The following MARK1 variants were observed in gnomAD, a reference collection of about 807,000 sequenced individuals.
MARK1 encodes the protein serine/threonine-protein kinase MARK1.
Under a neutral mutation model 96.3 loss-of-function variants are expected in MARK1, and 40 were observed. That is an observed-to-expected ratio of 0.42 (90% CI 0.32 to 0.54). The LOEUF (loss-of-function observed/expected upper bound fraction) is 0.54. MARK1 is among the 20% of genes least tolerant of loss of function. The pLI is 0.16. For missense variants in MARK1, 719 were observed against 984.6 expected, an observed-to-expected ratio of 0.73 and a Z score of 3.61; for synonymous variants, 317 against 341.2, an observed-to-expected ratio of 0.93 and a Z score of 0.78.
chr1:220,596,784 T>C (rs1309199494), intron 3 of MARK1, among the ~76,000 whole-genome samples: 2 of 152,180 alleles, frequency 1.3e-5, no homozygotes, highest in African/African-American at 4.8e-5. Context: ...TACATTGTTG[T>C]TCAAACATCA....
At chr1:220,637,961 G>C (rs1366708108) in intron 13 of MARK1, among the ~76,000 whole-genome samples, 1 of 152,034 alleles carries the variant, frequency 6.6e-6, no homozygotes, top group Admixed American at 6.6e-5. Context: ...TTTTGAATAT[G>C]GTTATGTATA....
chr1:220,546,999 A>C (rs906940712), intron 1 of MARK1, among the ~76,000 whole-genome samples: 8 of 151,916 alleles, frequency 5.3e-5, no homozygotes, highest in African/African-American at 1.9e-4. Context: ...AAAAAAGAAA[A>C]GAAAAGAAAA....
rs776797994 is a variant in MARK1, at chr1:220,632,276, T to C, written c.1085T>C (p.Met362Thr). The C allele has an allele frequency of 2.9e-5, 45 of 1,568,944 alleles. No homozygotes were observed. Among genetic ancestry groups the C allele is most frequent in the African/African-American group, 4.1e-5 (3 of 72,884 alleles). The change falls in exon 11 of 18, where the codon ATG becomes ACG. Residue 362 changes from methionine (M) to threonine (T), a missense_variant. Coordinates refer to ENST00000366917, the MANE Select transcript of MARK1 (RefSeq NM_018650.5). ...ALINQKYDEV[M>T]ATYILLGRKP... Reference sequence around the variant, plus strand: ...ATAAATCAGAAGTATGATGAAGTTATGGCTACTTATATTCTTCTAGGTAGA... The same window carrying C: ...ATAAATCAGAAGTATGATGAAGTTACGGCTACTTATATTCTTCTAGGTAGA...
chr1:220,536,265 T>A (rs1660674485), intron 1 of MARK1, among the ~76,000 whole-genome samples: 1 of 152,120 alleles, frequency 6.6e-6, no homozygotes, highest in Non-Finnish European at 1.5e-5. Flanking sequence ...ATTTTTTTCT[T>A]GTCTAACTGC....
intron 3 of MARK1, among the ~76,000 whole-genome samples, chr1:220,583,704 A>G (rs1664401030): frequency 6.6e-6 from 1 of 150,398 alleles, no homozygotes; most frequent in Admixed American, 6.6e-5. Context: ...GCTGGAGTGC[A>G]GTGGCGCGAT....
intron 5 of MARK1, among the ~76,000 whole-genome samples, chr1:220,603,602 G>T (rs994772321): frequency 4.6e-5 from 7 of 152,020 alleles, no homozygotes; most frequent in Admixed American, 3.3e-4. Context: ...AATGTGGATG[G>T]AAGTAGTGAG....
intron 13 of MARK1, among the ~76,000 whole-genome samples, chr1:220,644,567 T>C (rs984456409): frequency 1.3e-5 from 2 of 151,064 alleles, no homozygotes; most frequent in Admixed American, 6.6e-5. Context: ...AACTCAGCTC[T>C]GGACCAAGTG....
intron 7 of MARK1, 117 bp downstream of exon 7, chr1:220,616,112 G>C: frequency 2.3e-6 from 1 of 439,382 alleles, no homozygotes; most frequent in Non-Finnish European, 4.0e-6. Context: ...CACTATACAA[G>C]TAGTTAGTTT....
At chr1:220,534,967 A>G (rs1016363447) in intron 1 of MARK1, among the ~76,000 whole-genome samples, 3 of 152,104 alleles carry the variant, frequency 2.0e-5, no homozygotes, top group African/African-American at 2.4e-5. Flanking sequence ...GCTCTTATAA[A>G]TAATACCTCA....
In MARK1 at chr1:220,619,852, C is replaced by G. The variant is rs146855240; in HGVS notation, c.909+1097C>G. Reference sequence around the variant, plus strand: ...AGTACTTTCTGTCTTCTTTTATTTACCTTAATAGAAAGGGTAGAGAATTCA... The same window carrying G: ...AGTACTTTCTGTCTTCTTTTATTTAGCTTAATAGAAAGGGTAGAGAATTCA... On this transcript the variant is annotated intron_variant, in intron 9 of 17. Transcript: ENST00000366917. Among the ~76,000 whole-genome samples the G allele has an allele frequency of 1.3e-3, 197 of 152,184 alleles. 2 individuals carry two copies. The highest frequency in any genetic ancestry group is 4.3e-3 in the African/African-American group (179 of 41,512).
In MARK1 at chr1:220,563,682, ATCAT is replaced by A. The variant is rs1293863094; in HGVS notation, c.52-15666_52-15663del. ...ACCATAGCCCTTTGAAGAAGATATTATCATTCATTTTCCTACTTGTGGTAACCTA... is the reference window on the plus strand; with the variant it reads ...ACCATAGCCCTTTGAAGAAGATATTATCATTTTCCTACTTGTGGTAACCTA... On this transcript the variant is annotated intron_variant, in intron 1 of 17. Coordinates refer to ENST00000366917, the MANE Select transcript of MARK1 (RefSeq NM_018650.5). Among the ~76,000 whole-genome samples, 27 of 152,254 alleles carry A rather than the reference ATCAT, an allele frequency of 1.8e-4. No homozygotes were observed. In the South Asian group the frequency reaches 5.4e-3, roughly 30 times the overall value.
In MARK1 at chr1:220,648,837, GTGTTTTTCCTGTTTCC is replaced by G. The variant is rs2103046937; in HGVS notation, c.1471-1781_1471-1766del. ...TGTGCAGTTTTAATAATTGCCCAGG[GTGTTTTTCCTGTTTCC>G]TATTACGTATTTCTAAGATTTGTCC... On this transcript the variant is annotated intron_variant, in intron 13 of 17. Coordinates refer to ENST00000366917, the MANE Select transcript of MARK1 (RefSeq NM_018650.5). 1.3e-5 allele frequency among the ~76,000 whole-genome samples: 2 copies of G among 152,232 alleles called. 1 individual carries two copies. Among genetic ancestry groups the G allele is most frequent in the South Asian group, 4.1e-4 (2 of 4,826 alleles).
At chr1:220,574,681 A>G (rs1203319307) in intron 1 of MARK1, among the ~76,000 whole-genome samples, 1 of 152,116 alleles carries the variant, frequency 6.6e-6, no homozygotes, top group Admixed American at 6.6e-5. Flanking sequence ...GTTGTTTTTA[A>G]TATTTTGTCT....
intron 6 of MARK1, among the ~76,000 whole-genome samples, chr1:220,604,529 T>C (rs1665949697): frequency 6.6e-6 from 1 of 151,990 alleles, no homozygotes; most frequent in South Asian, 2.1e-4. Context: ...GAGTTTATTG[T>C]ATTATATTTT....
At chr1:220,549,248 T>C (rs1661703182) in intron 1 of MARK1, among the ~76,000 whole-genome samples, 1 of 152,224 alleles carries the variant, frequency 6.6e-6, no homozygotes, top group Non-Finnish European at 1.5e-5. Context: ...AACTTCCTTA[T>C]ACCTCAGTTT....
intron 5 of MARK1, among the ~76,000 whole-genome samples, chr1:220,602,800 A>G (rs1488644633): frequency 2.0e-5 from 3 of 151,990 alleles, no homozygotes; most frequent in South Asian, 2.1e-4. Flanking sequence ...TTCATTACGT[A>G]TTTGATTTTT....
chr1:220,562,161 A>G (rs1351083514), intron 1 of MARK1, among the ~76,000 whole-genome samples: 1 of 152,158 alleles, frequency 6.6e-6, no homozygotes, highest in Non-Finnish European at 1.5e-5. Flanking sequence ...TTTTGATGAT[A>G]CTATTACTAT....
At chr1:220,600,590 G>A (rs1038431499) in intron 5 of MARK1, among the ~76,000 whole-genome samples, 5 of 152,112 alleles carry the variant, frequency 3.3e-5, no homozygotes, top group Non-Finnish European at 7.4e-5. Flanking sequence ...TCAGAAATGG[G>A]TTGAAAATTT....
Position 220,632,316 on chromosome 1 carries a change from A to C in MARK1, c.1122+3A>C. On this transcript the variant is annotated splice_donor_region_variant and intron_variant, in intron 11 of 17. Coordinates refer to ENST00000366917, the MANE Select transcript of MARK1 (RefSeq NM_018650.5). ...TTCTAGGTAGAAAACCACCTGAAGTAAGTTTTTCACCTTTTCAGATTACTG... is the reference window on the plus strand; with the variant it reads ...TTCTAGGTAGAAAACCACCTGAAGTCAGTTTTTCACCTTTTCAGATTACTG... The C allele has an allele frequency of 7.4e-7, 1 of 1,349,572 alleles. No homozygotes were observed. The highest frequency in any genetic ancestry group is 1.0e-6 in the Non-Finnish European group (1 of 978,434). 83.6% of individuals were successfully genotyped at this position (1,349,572 alleles called of 1,614,324 possible). A position where few individuals can be genotyped will look rare whatever the true frequency, so the allele number is the denominator to read the frequency against.
Sources: gnomAD v4.1 joint callset for allele counts (sites outside exome capture counted in the v4.1 genomes callset) on GRCh38, gnomAD v4.1.1 for gene constraint, MANE v1.5 for transcripts, NCBI Gene and HGNC (gene_info 2026-07-23, HGNC 2026-07-21) for gene names.